The following GCNT1 variants were observed in gnomAD, a reference collection of about 807,000 sequenced individuals.
GCNT1 encodes beta-1,3-galactosyl-O-glycosyl-glycoprotein beta-1,6-N-acetylglucosaminyltransferase.
In GCNT1, 16 loss-of-function variants were observed where a neutral mutation model predicts 26.2. The observed-to-expected ratio is 0.61, with a 90% CI of 0.41 to 0.93. The LOEUF is 0.93. Ranked by LOEUF, GCNT1 falls within the 40% of genes least tolerant of loss-of-function variation. GCNT1 has a pLI of 0.00. For synonymous variants in GCNT1, 183 were observed against 190.8 expected (o/e 0.96, Z 0.34); for missense variants, 477 against 526.7 (o/e 0.91, Z 0.92).
At position 76,502,660 on chromosome 9, in the gene GCNT1, T is replaced by C; in HGVS notation, c.279T>C (p.Tyr93=). ...GCCCTCGGTGGACACCTGACGACTA[T>C]ATAAACATGACCAGTGACTGTTCTT... The part of the protein sequence containing the change: ...KKRPRWTPDD[Y]INMTSDCSSF... The change falls in exon 4 of 4, where the codon TAT becomes TAC. Residue 93 remains tyrosine (Y), a synonymous_variant. Transcript: ENST00000376730. 2 of 1,614,122 alleles carry C rather than the reference T, an allele frequency of 1.2e-6. No homozygotes were observed. The highest frequency in any genetic ancestry group is 1.7e-6 in the Non-Finnish European group (2 of 1,179,996).
At chr9:76,418,074 A>G (rs1318874969), upstream of GCNT1, among the ~76,000 whole-genome samples, 2 of 152,198 alleles carry the variant, frequency 1.3e-5, no homozygotes, top group African/African-American at 4.8e-5. Context: ...GACATGAGAC[A>G]TCAATCAAAT....
At chr9:76,476,907 A>T (rs1824265126) in intron 2 of GCNT1, among the ~76,000 whole-genome samples, 1 of 151,958 alleles carries the variant, frequency 6.6e-6, no homozygotes, top group Non-Finnish European at 1.5e-5. Context: ...TCTTAAATTA[A>T]TTTTATTTAT....
intron 1 of GCNT1, chr9:76,420,687 A>T (rs1236304549): frequency 6.6e-6 from 1 of 152,074 alleles, no homozygotes; most frequent in African/African-American, 2.4e-5. Flanking sequence ...TAATCCCAGC[A>T]CTTTGGGAGG....
chr9:76,485,463 T>C (rs1026604339), intron 2 of GCNT1, among the ~76,000 whole-genome samples: 1 of 152,136 alleles, frequency 6.6e-6, no homozygotes, highest in Non-Finnish European at 1.5e-5. Context: ...ATTTTACTTA[T>C]TTAATTCTGG....
upstream of GCNT1, among the ~76,000 whole-genome samples, chr9:76,441,498 G>A (rs576390184): frequency 6.6e-6 from 1 of 152,108 alleles, no homozygotes; most frequent in Non-Finnish European, 1.5e-5. Context: ...GGGTAGCAAT[G>A]GTGAGAACCA....
At chr9:76,398,674 C>T in the GCNT1 span, 44 of 1,095,782 alleles carry the variant, frequency 4.0e-5, no homozygotes, top group African/African-American at 1.7e-4. Context: ...GGATTCCCGT[C>T]GTAACTTAAA....
chr9:76,461,592 AAC>A (rs558708874), intron 2 of GCNT1, among the ~76,000 whole-genome samples: 13 of 149,194 alleles, frequency 8.7e-5, no homozygotes, highest in South Asian at 4.2e-4. Flanking sequence ...CAAAAAAAAA[AAC>A]ACACACAAAG....
upstream of GCNT1, among the ~76,000 whole-genome samples, chr9:76,417,812 C>G (rs1301774656): frequency 6.6e-6 from 1 of 152,154 alleles, no homozygotes; most frequent in Non-Finnish European, 1.5e-5. Context: ...CATAGCACCC[C>G]AGTAAGATCA....
chr9:76,398,325 A>G, the GCNT1 span, among the ~76,000 whole-genome samples: 1 of 152,258 alleles, frequency 6.6e-6, no homozygotes, highest in African/African-American at 2.4e-5. Flanking sequence ...GATGTTCAAC[A>G]TCATATATCG....
intron 1 of GCNT1, among the ~76,000 whole-genome samples, chr9:76,425,309 G>A (rs1361784954): frequency 1.3e-5 from 2 of 151,724 alleles, no homozygotes; most frequent in Non-Finnish European, 1.5e-5. Flanking sequence ...TGCAACCTCC[G>A]CCTCTCAGGT....
intron 2 of GCNT1, among the ~76,000 whole-genome samples, chr9:76,498,286 A>G (rs1163161854): frequency 1.3e-5 from 2 of 152,140 alleles, no homozygotes; most frequent in Non-Finnish European, 2.9e-5. Flanking sequence ...GAACATTTGT[A>G]TACAAGTTTT....
upstream of GCNT1, among the ~76,000 whole-genome samples, chr9:76,437,947 T>C (rs765205335): frequency 6.6e-6 from 1 of 152,254 alleles, no homozygotes; most frequent in Non-Finnish European, 1.5e-5. Context: ...TCTATTTTCC[T>C]TGGAAAGTGG....
chr9:76,454,768 C>A (rs193232885), upstream of GCNT1, among the ~76,000 whole-genome samples: 17 of 151,462 alleles, frequency 1.1e-4, no homozygotes, highest in Admixed American at 2.0e-4. Flanking sequence ...TCTTCCCCTG[C>A]TGTCATGATT....
chr9:76,399,291 T>C, the GCNT1 span: 1 of 1,417,026 alleles, frequency 7.1e-7, no homozygotes, highest in South Asian at 1.1e-5. Context: ...TGGGAGGTCA[T>C]GCCTGATCTC....
At chr9:76,453,233 C>A (rs1422120049) in intron 1 of GCNT1, among the ~76,000 whole-genome samples, 1 of 152,132 alleles carries the variant, frequency 6.6e-6, no homozygotes, top group African/African-American at 2.4e-5. Flanking sequence ...GAGGCCTAAT[C>A]TTGAGTGACC....
At chr9:76,394,295 G>T in the GCNT1 span, 1 of 911,666 alleles carries the variant, frequency 1.1e-6, no homozygotes, top group Non-Finnish European at 1.6e-6. Flanking sequence ...CTGCCGCGGG[G>T]GCGCACCAGT....
intron 1 of GCNT1, among the ~76,000 whole-genome samples, chr9:76,421,949 T>C (rs1037807180): frequency 6.6e-6 from 1 of 152,026 alleles, no homozygotes; most frequent in East Asian, 1.9e-4. Context: ...CTGGGTAATT[T>C]ATAAAGAAAA....
At chr9:76,399,588 C>T in the GCNT1 span, 1 of 1,206,692 alleles carries the variant, frequency 8.3e-7, no homozygotes, top group Non-Finnish European at 1.2e-6. Context: ...TGGTCTTAAG[C>T]TGTTCTTGCA....
chr9:76,502,762 A>G lies in GCNT1; in HGVS notation c.381A>G (p.Ile127Met). Residue 127 changes from isoleucine to methionine, a missense_variant, in exon 4 of 4, where the codon ATA becomes ATG. Coordinates refer to ENST00000376730, the MANE Select transcript of GCNT1 (RefSeq NM_001490.5). ...CGGAGTTTCCAATAGCATATTCTAT[A>G]GTGGTTCATCACAAGATTGAAATGC... is the stretch of plus-strand genomic sequence containing the variant. ...EEAEFPIAYSIVVHHKIEMLD... is the reference protein window; with the variant it reads ...EEAEFPIAYSMVVHHKIEMLD... 6.2e-7 allele frequency: 1 copy of G among 1,614,178 alleles called. No homozygotes were observed. Among genetic ancestry groups the G allele is most frequent in the South Asian group, 1.1e-5 (1 of 91,084 alleles).
Sources: allele counts gnomAD v4.1 joint callset (sites outside exome capture counted in the v4.1 genomes callset), GRCh38; gene constraint gnomAD v4.1.1; transcripts MANE v1.5; gene names NCBI Gene and HGNC (gene_info 2026-07-23, HGNC 2026-07-21).